NEK7: variants seen among roughly 807,000 people sequenced by gnomAD.
NEK7 encodes the protein serine/threonine-protein kinase Nek7.
In NEK7, 18 loss-of-function variants were observed where a neutral mutation model predicts 44.6. That is an observed-to-expected ratio of 0.40 (90% confidence interval 0.28 to 0.60). The LOEUF is 0.60. NEK7 is among the 20% of genes least tolerant of loss of function. The pLI is 0.38. For missense variants in NEK7, 256 were observed against 366.5 expected, an observed-to-expected ratio of 0.70 and a Z score of 2.46; for synonymous variants, 130 against 121.1, an observed-to-expected ratio of 1.07 and a Z score of -0.48.
At chr1:198,238,018 T>G (rs1180220489) in intron 2 of NEK7, among the ~76,000 whole-genome samples, 1 of 152,206 alleles carries the variant, frequency 6.6e-6, no homozygotes, top group Non-Finnish European at 1.5e-5. Flanking sequence ...GAATACAAAC[T>G]TGGTTTCAAA....
At chr1:198,189,012 A>G (rs531767662) in intron 1 of NEK7, among the ~76,000 whole-genome samples, 1 of 152,296 alleles carries the variant, frequency 6.6e-6, no homozygotes, top group East Asian at 1.9e-4. Context: ...GATGATTTGT[A>G]GGTTATGGAT....
intron 1 of NEK7, among the ~76,000 whole-genome samples, chr1:198,172,835 G>A (rs908679209): frequency 3.3e-5 from 5 of 152,176 alleles, no homozygotes; most frequent in African/African-American, 1.2e-4. Context: ...TTTAAGCAAA[G>A]AGTTTAGAAT....
intron 1 of NEK7, among the ~76,000 whole-genome samples, chr1:198,163,063 C>T (rs551831030): frequency 6.2e-4 from 95 of 152,054 alleles, no homozygotes; most frequent in African/African-American, 2.2e-3. Flanking sequence ...TGGTTATAAT[C>T]ATAACAAAGA....
intron 5 of NEK7, 57 bp from the exon 6 acceptor site, chr1:198,277,904 G>T: frequency 1.0e-6 from 1 of 968,234 alleles, no homozygotes; most frequent in Non-Finnish European, 1.6e-6. Flanking sequence ...TTGCTTACCA[G>T]AATCCAGTCT....
intron 1 of NEK7, chr1:198,206,892 C>T (rs1303769574): frequency 6.6e-6 from 1 of 152,066 alleles, no homozygotes; most frequent in African/African-American, 2.4e-5. Context: ...AAACAACTGT[C>T]CTCATAGTGG....
intron 9 of NEK7, among the ~76,000 whole-genome samples, chr1:198,314,999 CG>C (rs1196216323): frequency 1.3e-5 from 2 of 152,172 alleles, no homozygotes; most frequent in Non-Finnish European, 1.5e-5. Flanking sequence ...TACCTAAGCA[CG>C]CCTGGGCAAT....
intron 7 of NEK7, among the ~76,000 whole-genome samples, chr1:198,290,499 T>C (rs940331398): frequency 6.6e-6 from 1 of 152,180 alleles, no homozygotes; most frequent in Non-Finnish European, 1.5e-5. Context: ...CTAATCAGTT[T>C]ACGTGATGGG....
intron 9 of NEK7, among the ~76,000 whole-genome samples, chr1:198,309,793 A>G (rs547313895): frequency 6.6e-6 from 1 of 152,170 alleles, no homozygotes; most frequent in Non-Finnish European, 1.5e-5. Context: ...TTATGGCTGC[A>G]TAGTATTCCA....
At chr1:198,159,165 C>T (rs993499172) in intron 1 of NEK7, among the ~76,000 whole-genome samples, 3 of 152,194 alleles carry the variant, frequency 2.0e-5, no homozygotes, top group Non-Finnish European at 4.4e-5. Context: ...GCAGCCAATG[C>T]GCAGCCAGGA....
chr1:198,182,773 G>C (rs1026524298), intron 1 of NEK7, among the ~76,000 whole-genome samples: 1 of 152,048 alleles, frequency 6.6e-6, no homozygotes, highest in Non-Finnish European at 1.5e-5. Flanking sequence ...TGTACTCTGA[G>C]AAGGCTTATT....
intron 1 of NEK7, among the ~76,000 whole-genome samples, chr1:198,166,914 C>T (rs1025150038): frequency 6.6e-6 from 1 of 152,228 alleles, no homozygotes; most frequent in Admixed American, 6.5e-5. Flanking sequence ...TTATAAAAAA[C>T]ACAATGTGTG....
At chr1:198,277,664 A>G (rs868132123) in intron 5 of NEK7, 2 of 192,350 alleles carry the variant, frequency 1.0e-5, no homozygotes, top group Non-Finnish European at 2.1e-5. Context: ...CAAATTTGAC[A>G]TCTTCCTTTT....
At chr1:198,182,654 C>A (rs1282001324) in intron 1 of NEK7, among the ~76,000 whole-genome samples, 1 of 152,154 alleles carries the variant, frequency 6.6e-6, no homozygotes, top group Non-Finnish European at 1.5e-5. Context: ...GAAACTGTTA[C>A]TTTCAAACTC....
At chr1:198,193,692 G>A (rs190027646) in intron 1 of NEK7, among the ~76,000 whole-genome samples, 1 of 152,038 alleles carries the variant, frequency 6.6e-6, no homozygotes. Flanking sequence ...AACATAAACA[G>A]AACTAAATGA....
chr1:198,180,209 T>G (rs1664725887), intron 1 of NEK7, among the ~76,000 whole-genome samples: 1 of 151,892 alleles, frequency 6.6e-6, no homozygotes, highest in Non-Finnish European at 1.5e-5. Context: ...GGGGGGGTGC[T>G]TCCAGTTAAA....
At position 198,264,237 on chromosome 1, in the gene NEK7, T is replaced by G; in HGVS notation, c.372+2T>G. 6.3e-7 allele frequency: 1 copy of G among 1,583,466 alleles called. No homozygotes were observed. Among genetic ancestry groups the G allele is most frequent in the Non-Finnish European group, 8.6e-7 (1 of 1,166,558 alleles). On this transcript the variant is annotated splice_donor_variant, in intron 5 of 9. Coordinates refer to ENST00000367385, the MANE Select transcript of NEK7 (RefSeq NM_133494.3). LOFTEE classifies it high-confidence loss of function. ...GGCGACCTATCCAGAATGATCAAGG[T>G]AAGTTTTGAAAAAATTGTCTTAATG...
intron 9 of NEK7, among the ~76,000 whole-genome samples, chr1:198,313,136 A>C (rs1292835164): frequency 6.6e-6 from 1 of 152,152 alleles, no homozygotes; most frequent in Non-Finnish European, 1.5e-5. Context: ...TATTGGGTGC[A>C]TATATATTTG....
intron 9 of NEK7, among the ~76,000 whole-genome samples, chr1:198,313,536 G>A (rs372119230): frequency 0.036 from 4,730 of 131,520 alleles, 132 homozygotes; most frequent in Middle Eastern, 0.062. Flanking sequence ...TCCTAGTCTC[G>A]ATGGTCTTTA....
chr1:198,308,419 TC>T, intron 9 of NEK7, among the ~76,000 whole-genome samples: 1 of 152,298 alleles, frequency 6.6e-6, no homozygotes, highest in Non-Finnish European at 1.5e-5. Flanking sequence ...TGTGATGACT[TC>T]AAAAACTCAA....
Sources: gnomAD v4.1 joint callset for allele counts (sites outside exome capture counted in the v4.1 genomes callset) on GRCh38, gnomAD v4.1.1 for gene constraint, MANE v1.5 for transcripts, NCBI Gene and HGNC (gene_info 2026-07-23, HGNC 2026-07-21) for gene names.